The following TEKTL1 variants were observed in gnomAD, a reference collection of about 807,000 sequenced individuals.
The protein encoded by TEKTL1 is tektin-like protein 1.
At chr19:15,012,765 A>C in the TEKTL1 span, among the ~76,000 whole-genome samples, 19 of 152,084 alleles carry the variant, frequency 1.2e-4, no homozygotes, top group African/African-American at 4.6e-4. Flanking sequence ...TAAAACCCAC[A>C]GCCCTCAGCC....
At chr19:15,019,276 T>C in the TEKTL1 span, among the ~76,000 whole-genome samples, 2 of 152,130 alleles carry the variant, frequency 1.3e-5, no homozygotes, top group East Asian at 1.9e-4. Context: ...TCACAGTGTG[T>C]TTATAGGTCA....
chr19:15,022,795 ACCTGGCG>A, the TEKTL1 span: 1 of 1,457,270 alleles, frequency 6.9e-7, no homozygotes, highest in Non-Finnish European at 9.2e-7. Flanking sequence ...TTACACACAC[ACCTGGCG>A]CAGGTGTGCC....
chr19:15,016,110 G>A, the TEKTL1 span, among the ~76,000 whole-genome samples: 16 of 152,068 alleles, frequency 1.1e-4, no homozygotes, highest in South Asian at 3.3e-3. Context: ...CAGGCTGAGG[G>A]TCGAGGGTGT....
the TEKTL1 span, chr19:15,021,724 G>C: frequency 6.2e-7 from 1 of 1,613,806 alleles, no homozygotes; most frequent in South Asian, 1.1e-5. Context: ...ACGGTTCGGG[G>C]TGAGAGCCTT....
the TEKTL1 span, chr19:15,021,247 A>T: frequency 7.0e-7 from 1 of 1,436,618 alleles, no homozygotes; most frequent in Non-Finnish European, 9.3e-7. Flanking sequence ...GTTCCTCAAT[A>T]AAACCCCCTC....
the TEKTL1 span, among the ~76,000 whole-genome samples, chr19:15,019,963 A>G: frequency 5.4e-5 from 8 of 148,524 alleles, no homozygotes; most frequent in Admixed American, 2.0e-4. Flanking sequence ...GTCTCAAAAC[A>G]AAAAAAAATA....
chr19:15,021,914 G>T, the TEKTL1 span: 3 of 1,612,532 alleles, frequency 1.9e-6, no homozygotes, highest in Non-Finnish European at 1.7e-6. Flanking sequence ...TGCGCGCCTC[G>T]CACAGGTAAA....
chr19:15,011,468 C>A, the TEKTL1 span: 1 of 1,274,636 alleles, frequency 7.8e-7, no homozygotes, highest in African/African-American at 1.6e-5. Flanking sequence ...GTGTCCAGCC[C>A]CGGGGAAATC....
the TEKTL1 span, chr19:15,021,551 G>A: frequency 6.2e-7 from 1 of 1,613,622 alleles, no homozygotes; most frequent in South Asian, 1.1e-5. Context: ...GCGGGCCAGG[G>A]TGGGACAGGG....
chr19:15,021,684 G>C, the TEKTL1 span: 2 of 1,614,078 alleles, frequency 1.2e-6, no homozygotes, highest in South Asian at 2.2e-5. Context: ...ATAACCAAGA[G>C]TTGTACACCA....
chr19:15,017,841 G>T, the TEKTL1 span, among the ~76,000 whole-genome samples: 4 of 152,188 alleles, frequency 2.6e-5, no homozygotes, highest in African/African-American at 9.7e-5. Context: ...AACTGGGTAA[G>T]GAGGCAGGAG....
chr19:15,021,536 C>A, the TEKTL1 span: 1 of 1,613,422 alleles, frequency 6.2e-7, no homozygotes, highest in Non-Finnish European at 8.5e-7. Flanking sequence ...GCATTACCTG[C>A]GGCTGCGGGC....
At chr19:15,019,883 C>T in the TEKTL1 span, among the ~76,000 whole-genome samples, 4 of 151,882 alleles carry the variant, frequency 2.6e-5, no homozygotes, top group Admixed American at 6.6e-5. Flanking sequence ...AAGAGGATCG[C>T]TTGAGCCCAG....
the TEKTL1 span, chr19:15,011,135 G>T: frequency 3.3e-6 from 5 of 1,524,924 alleles, no homozygotes; most frequent in South Asian, 3.7e-5. Flanking sequence ...GAAGCCGCCC[G>T]CCTGGTACGC....
At chr19:15,014,240 T>C in the TEKTL1 span, among the ~76,000 whole-genome samples, 1 of 152,174 alleles carries the variant, frequency 6.6e-6, no homozygotes, top group Non-Finnish European at 1.5e-5. Flanking sequence ...GAGAACTTCT[T>C]CATGAGGGCA....
the TEKTL1 span, among the ~76,000 whole-genome samples, chr19:15,018,582 A>G: frequency 1.2e-4 from 18 of 150,180 alleles, no homozygotes; most frequent in Non-Finnish European, 3.0e-5. Flanking sequence ...GTGTGGTGGC[A>G]TGTGTCTGGT....
the TEKTL1 span, chr19:15,013,563 C>T: frequency 9.2e-6 from 7 of 761,474 alleles, no homozygotes; most frequent in African/African-American, 1.8e-5. Context: ...CAACTTCATC[C>T]TTCAAACTCA....
chr19:15,014,887 G>T, the TEKTL1 span, among the ~76,000 whole-genome samples: 1 of 152,136 alleles, frequency 6.6e-6, no homozygotes, highest in Non-Finnish European at 1.5e-5. Flanking sequence ...GGATGGACGT[G>T]GGAGCAAAGG....
chr19:15,015,937 A>G, the TEKTL1 span, among the ~76,000 whole-genome samples: 4 of 152,198 alleles, frequency 2.6e-5, no homozygotes, highest in African/African-American at 7.2e-5. Flanking sequence ...TTATCTGCAT[A>G]TGTCAACTTG....
Sources: gnomAD v4.1 joint callset for allele counts (sites outside exome capture counted in the v4.1 genomes callset) on GRCh38, gnomAD v4.1.1 for gene constraint, MANE v1.5 for transcripts, NCBI Gene and HGNC (gene_info 2026-07-23, HGNC 2026-07-21) for gene names.